MRPL48: variants seen among roughly 807,000 people sequenced by gnomAD.
MRPL48 encodes mitochondrial ribosomal protein L48.
Under a neutral mutation model 32.9 loss-of-function variants are expected in MRPL48, and 16 were observed. The observed-to-expected ratio is 0.49, with a 90% confidence interval of 0.33 to 0.74. The LOEUF (loss-of-function observed/expected upper bound fraction) is 0.74, where lower values mean the gene tolerates loss of function less well. Ranked by LOEUF, MRPL48 falls within the 30% of genes least tolerant of loss-of-function variation. The pLI, the probability that MRPL48 is intolerant of heterozygous loss-of-function variation, is 0.02. For missense variants in MRPL48, 206 were observed against 245.3 expected (o/e 0.84, Z 1.07); for synonymous variants, 94 against 89.2 (o/e 1.05, Z -0.31).
chr11:73,828,143 T>C (rs1401665889), intron 4 of MRPL48, among the ~76,000 whole-genome samples: 1 of 152,180 alleles, frequency 6.6e-6, no homozygotes, highest in Non-Finnish European at 1.5e-5. Flanking sequence ...AACTTCACGA[T>C]GCTGTGCAAT....
intron 4 of MRPL48, among the ~76,000 whole-genome samples, chr11:73,840,447 T>C (rs1393430462): frequency 6.6e-6 from 1 of 152,062 alleles, no homozygotes; most frequent in East Asian, 1.9e-4. Context: ...TAAGCTGTGA[T>C]TGTGCCACTG....
At chr11:73,864,066 T>C (rs995359828) in intron 7 of MRPL48, among the ~76,000 whole-genome samples, 4 of 152,210 alleles carry the variant, frequency 2.6e-5, no homozygotes, top group Non-Finnish European at 5.9e-5. Flanking sequence ...TTCATATATC[T>C]GTCTTTTCTA....
At chr11:73,806,582 G>A (rs1390905908) in intron 2 of MRPL48, among the ~76,000 whole-genome samples, 1 of 151,792 alleles carries the variant, frequency 6.6e-6, no homozygotes, top group Non-Finnish European at 1.5e-5. Flanking sequence ...GTCTTTCCTT[G>A]CCCCTTAAAA....
intron 1 of MRPL48, among the ~76,000 whole-genome samples, chr11:73,801,252 T>G (rs1947359136): frequency 6.6e-6 from 1 of 152,180 alleles, no homozygotes; most frequent in East Asian, 1.9e-4. Context: ...CTATATGAAG[T>G]GACCCATTTA....
intron 2 of MRPL48, among the ~76,000 whole-genome samples, chr11:73,807,045 T>G (rs559628028): frequency 6.6e-6 from 1 of 152,146 alleles, no homozygotes; most frequent in East Asian, 1.9e-4. Context: ...AATTTTTCTA[T>G]TTTTAGTAGA....
At chr11:73,820,739 A>AATATATATAT (rs71065040) in intron 3 of MRPL48, among the ~76,000 whole-genome samples, 124 of 151,280 alleles carry the variant, frequency 8.2e-4, no homozygotes, top group African/African-American at 2.9e-3. Context: ...TTGAGTGGAT[A>AATATATATAT]ATATATATAT....
At chr11:73,840,610 C>T (rs1948171281) in intron 4 of MRPL48, among the ~76,000 whole-genome samples, 1 of 152,180 alleles carries the variant, frequency 6.6e-6, no homozygotes, top group South Asian at 2.1e-4. Flanking sequence ...AGCGATTCTC[C>T]TGCCTCAGCC....
intron 7 of MRPL48, among the ~76,000 whole-genome samples, chr11:73,864,023 A>G (rs898398180): frequency 6.6e-6 from 1 of 152,100 alleles, no homozygotes; most frequent in Admixed American, 6.6e-5. Context: ...AAATGCTTCT[A>G]TTGTGATAGT....
intron 3 of MRPL48, chr11:73,817,830 C>T (rs1033963040): frequency 4.0e-5 from 16 of 399,126 alleles, no homozygotes; most frequent in East Asian, 1.8e-4. Flanking sequence ...GAGAGAGAGA[C>T]GGTCTTGCTT....
At chr11:73,834,480 C>CTT (rs66814681) in intron 4 of MRPL48, among the ~76,000 whole-genome samples, 8,320 of 150,614 alleles carry the variant, frequency 0.055, 254 homozygotes, top group Middle Eastern at 0.11. Context: ...TGTTTCTTTT[C>CTT]TCTTTGTTTT....
At chr11:73,864,192 T>C in intron 7 of MRPL48, 104 bp from the exon 8 acceptor site, 2 of 921,352 alleles carry the variant, frequency 2.2e-6, no homozygotes, top group Middle Eastern at 2.1e-4. Context: ...ATCTGAATGA[T>C]TCTCTACAGA....
Position 73,819,884 on chromosome 11 carries a change from C to T in MRPL48, c.113-5824C>T, listed in dbSNP as rs561719551. On this transcript the variant is annotated intron_variant, in intron 3 of 7. Transcript: ENST00000310614. Reference sequence around the variant, plus strand: ...CTGCCCCCCAGCCTGGGCAACAGAGCGGTTCCTGTCTCAAAACAAGCAAAC... The same window carrying T: ...CTGCCCCCCAGCCTGGGCAACAGAGTGGTTCCTGTCTCAAAACAAGCAAAC... Among the ~76,000 whole-genome samples the T allele has an allele frequency of 1.8e-3, 277 of 152,236 alleles. 1 individual carries two copies. Among genetic ancestry groups the T allele is most frequent in the Non-Finnish European group, 3.3e-3 (226 of 68,010 alleles).
chr11:73,830,272 G>A (rs1947969826), intron 4 of MRPL48, among the ~76,000 whole-genome samples: 1 of 152,182 alleles, frequency 6.6e-6, no homozygotes, highest in African/African-American at 2.4e-5. Flanking sequence ...CCCACTATCT[G>A]CAAACACCTG....
At chr11:73,817,954 G>A (rs892755613) in intron 3 of MRPL48, 19 of 185,050 alleles carry the variant, frequency 1.0e-4, no homozygotes, top group East Asian at 1.7e-4. Context: ...ACAGGTATGC[G>A]CTACCATGCC....
At chr11:73,822,927 T>C (rs1052143469) in intron 3 of MRPL48, 1 of 440,770 alleles carries the variant, frequency 2.3e-6, no homozygotes, top group East Asian at 7.4e-5. Flanking sequence ...TTTTGTGAAC[T>C]GCACATATGA....
intron 4 of MRPL48, among the ~76,000 whole-genome samples, chr11:73,833,122 G>A (rs535928536): frequency 5.9e-5 from 9 of 152,036 alleles, no homozygotes; most frequent in South Asian, 2.1e-4. Context: ...AAGGTGTTAC[G>A]GAGTTCAGCT....
intron 5 of MRPL48, chr11:73,845,204 A>G (rs1948267648): frequency 2.7e-6 from 1 of 365,930 alleles, no homozygotes; most frequent in Admixed American, 4.3e-5. Flanking sequence ...CCTGGCAACC[A>G]CAGACCAATT....
At chr11:73,822,781 A>G (rs565933458) in intron 3 of MRPL48, among the ~76,000 whole-genome samples, 28 of 152,314 alleles carry the variant, frequency 1.8e-4, no homozygotes, top group African/African-American at 6.3e-4. Flanking sequence ...GCAGGAAATG[A>G]GGGGCAGTTG....
At chr11:73,845,460 C>T (rs1948271531) in intron 5 of MRPL48, among the ~76,000 whole-genome samples, 1 of 152,226 alleles carries the variant, frequency 6.6e-6, no homozygotes, top group East Asian at 1.9e-4. Context: ...CCATCTCCAT[C>T]ATGCTTTTCA....
Sources: gnomAD v4.1 joint callset for allele counts (sites outside exome capture counted in the v4.1 genomes callset) on GRCh38, gnomAD v4.1.1 for gene constraint, MANE v1.5 for transcripts, NCBI Gene and HGNC (gene_info 2026-07-23, HGNC 2026-07-21) for gene names.